Variants in PLEKHA6 observed in about 807,000 individuals in gnomAD.
PLEKHA6 encodes pleckstrin homology domain containing A6, also known as pleckstrin homology domain-containing family A member 6.
In PLEKHA6, 60 loss-of-function variants were observed where a neutral mutation model predicts 116.7. That is an observed-to-expected ratio of 0.51 (90% CI 0.42 to 0.64). The LOEUF (loss-of-function observed/expected upper bound fraction) is 0.64, where lower values mean the gene tolerates loss of function less well. PLEKHA6 is among the 30% of genes least tolerant of loss of function. The pLI, the probability that PLEKHA6 is intolerant of heterozygous loss-of-function variation, is 0.00. For missense variants in PLEKHA6, 1,338 were observed against 1,422.7 expected (o/e 0.94, Z 0.96); for synonymous variants, 489 against 556.1 (o/e 0.88, Z 1.70).
At chr1:204,245,259 A>G (rs1041440343) in intron 14 of PLEKHA6, among the ~76,000 whole-genome samples, 2 of 152,058 alleles carry the variant, frequency 1.3e-5, no homozygotes, top group African/African-American at 2.4e-5. Context: ...GGTGTCAAGG[A>G]AAGCCAGTCT....
At chr1:204,282,693 G>A (rs1668753190) in intron 1 of PLEKHA6, 4 of 985,276 alleles carry the variant, frequency 4.1e-6, no homozygotes, top group Non-Finnish European at 4.8e-6. Context: ...CCACCCAGAA[G>A]CTGCCATGGG....
At chr1:204,276,467 T>G (rs1332882951) in intron 1 of PLEKHA6, among the ~76,000 whole-genome samples, 1 of 152,130 alleles carries the variant, frequency 6.6e-6, no homozygotes, top group African/African-American at 2.4e-5. Flanking sequence ...CATCTGGTGG[T>G]CTGGGGGGCA....
intron 1 of PLEKHA6, among the ~76,000 whole-genome samples, chr1:204,301,872 A>C (rs1670856805): frequency 6.6e-6 from 1 of 152,004 alleles, no homozygotes; most frequent in South Asian, 2.1e-4. Context: ...CATTTTAGGG[A>C]CTTACTGATG....
At chr1:204,332,916 AG>A (rs1371741878) in intron 1 of PLEKHA6, among the ~76,000 whole-genome samples, 10 of 152,342 alleles carry the variant, frequency 6.6e-5, no homozygotes, top group Admixed American at 6.5e-4. Flanking sequence ...TGTGCATAGA[AG>A]GAAAAGTGCT....
At chr1:204,274,957 C>A in intron 1 of PLEKHA6, 148 bp from the exon 2 acceptor site, 2 of 352,034 alleles carry the variant, frequency 5.7e-6, no homozygotes, top group African/African-American at 8.0e-5. Flanking sequence ...CATGGGAGGC[C>A]TGGGCTGACA....
chr1:204,280,577 T>C (rs1273098241), intron 1 of PLEKHA6: 7 of 409,366 alleles, frequency 1.7e-5, no homozygotes, highest in African/African-American at 2.2e-5. Flanking sequence ...TACAGCTCAT[T>C]AGGTGGAGAG....
In PLEKHA6 at chr1:204,301,198, C is replaced by T. The variant is rs998597299; in HGVS notation, c.-94-26389G>A. 205 of 972,452 alleles carry T rather than the reference C, an allele frequency of 2.1e-4. No homozygotes were observed. The African/African-American group carries it at 3.3e-3, about 16-fold the overall frequency. 60.2% of individuals were successfully genotyped at this position (972,452 alleles called of 1,614,324 possible). On this transcript the variant is annotated intron_variant, in intron 1 of 22. Coordinates refer to ENST00000272203, the MANE Select transcript of PLEKHA6 (RefSeq NM_014935.5). ...AAGTATAGAGCTATACAAGCCACCT[C>T]TCTAGCTCCAGAAGACAGGAGTTTC...
chr1:204,312,894 T>TTTTG (rs1310168339), intron 1 of PLEKHA6, among the ~76,000 whole-genome samples: 10 of 151,114 alleles, frequency 6.6e-5, no homozygotes. Flanking sequence ...TTCTTTTTTT[T>TTTTG]CTTTTCCTTT....
rs990109793 is a variant in PLEKHA6, at chr1:204,306,338, C to T, written c.-94-31529G>A. Among the ~76,000 whole-genome samples the T allele has an allele frequency of 3.9e-5, 6 of 152,274 alleles. No homozygotes were observed. In the East Asian group the frequency reaches 9.7e-4, roughly 25 times the overall value. Reference sequence around the variant, plus strand: ...ACAAGGCAGTTCTCTGATCTCTGCTCCTTGCCACCAAGAAACACCACACAA... The same window carrying T: ...ACAAGGCAGTTCTCTGATCTCTGCTTCTTGCCACCAAGAAACACCACACAA... On this transcript the variant is annotated intron_variant, in intron 1 of 22. Coordinates refer to ENST00000272203, the MANE Select transcript of PLEKHA6 (RefSeq NM_014935.5).
chr1:204,331,625 T>C (rs561684174), intron 1 of PLEKHA6, among the ~76,000 whole-genome samples: 1 of 152,088 alleles, frequency 6.6e-6, no homozygotes, highest in South Asian at 2.1e-4. Context: ...AGGGAGAACA[T>C]AGAAGGTGAG....
intron 16 of PLEKHA6, 89 bp downstream of exon 16, chr1:204,241,596 G>C: frequency 1.4e-6 from 2 of 1,451,244 alleles, no homozygotes; most frequent in Non-Finnish European, 1.9e-6. Context: ...CCCAGGGTGT[G>C]GCACCAGGTT....
chr1:204,264,993 C>T lies in PLEKHA6; in HGVS notation c.330G>A (p.Arg110=), dbSNP rs758912283. The change falls in exon 6 of 23, where the codon CGG becomes CGA. Residue 110 remains arginine (R), a synonymous_variant. Transcript: ENST00000272203. ...ILGSIPLLSF[R]VAAVQPSDNI... ...TGTCTGAGGGCTGCACTGCGGCTAC[C>T]CGGAAGCTCAGGAGGGGGATGCTGC... 2 of 1,614,154 alleles carry T rather than the reference C, an allele frequency of 1.2e-6. No individual in the cohort carries two copies. Among genetic ancestry groups the T allele is most frequent in the Non-Finnish European group, 1.7e-6 (2 of 1,180,006 alleles).
intron 2 of PLEKHA6, chr1:204,369,788 G>A (rs1419209303): frequency 3.9e-5 from 6 of 152,214 alleles, no homozygotes; most frequent in Non-Finnish European, 8.8e-5. Context: ...GGATGATAAT[G>A]AGGTGGAAGG....
At chr1:204,226,385 G>A (rs1287843572) in intron 21 of PLEKHA6, among the ~76,000 whole-genome samples, 1 of 152,212 alleles carries the variant, frequency 6.6e-6, no homozygotes, top group African/African-American at 2.4e-5. Context: ...ACCTTTGGCT[G>A]AGGAACTATA....
At chr1:204,233,272 TCAGA>T (rs1171105894) in intron 17 of PLEKHA6, among the ~76,000 whole-genome samples, 1 of 149,224 alleles carries the variant, frequency 6.7e-6, no homozygotes, top group African/African-American at 2.5e-5. Context: ...CCTCCAGGGC[TCAGA>T]CAATCTTCCA....
At chr1:204,321,962 C>G (rs1435560402) in intron 1 of PLEKHA6, among the ~76,000 whole-genome samples, 1 of 152,238 alleles carries the variant, frequency 6.6e-6, no homozygotes, top group Admixed American at 6.5e-5. Context: ...TCTGCCTTCT[C>G]TCCCTTAGCA....
At chr1:204,244,378 C>T (rs1038858280) in intron 15 of PLEKHA6, among the ~76,000 whole-genome samples, 3 of 150,556 alleles carry the variant, frequency 2.0e-5, no homozygotes, top group Non-Finnish European at 4.4e-5. Flanking sequence ...CCTGACCTAG[C>T]GATCCACCCG....
At chr1:204,376,390 A>G (rs1006480218) in intron 1 of PLEKHA6, among the ~76,000 whole-genome samples, 2 of 152,240 alleles carry the variant, frequency 1.3e-5, no homozygotes, top group African/African-American at 4.8e-5. Flanking sequence ...GTCTCTAGCC[A>G]CTGCAGTTTT....
intron 1 of PLEKHA6, chr1:204,320,538 C>G (rs7513133): frequency 0.17 from 163,606 of 948,096 alleles, 15,431 homozygotes; most frequent in East Asian, 0.58. Context: ...AACTTAGCAA[C>G]TTGGCTTCTC....
Sources: allele counts gnomAD v4.1 joint callset (sites outside exome capture counted in the v4.1 genomes callset), GRCh38; gene constraint gnomAD v4.1.1; transcripts MANE v1.5; gene names NCBI Gene and HGNC (gene_info 2026-07-23, HGNC 2026-07-21).